Variants in ST18 observed in about 807,000 individuals in gnomAD.
ST18 encodes the protein suppression of tumorigenicity 18 protein.
ST18 carries 50 observed loss-of-function variants against 110.0 expected under a neutral mutation model. That is an observed-to-expected ratio of 0.45 (90% CI 0.36 to 0.58). ST18 has a LOEUF of 0.58. Among genes scored for constraint, ST18 ranks in the 20% least tolerant of loss-of-function variants. The probability of loss-of-function intolerance (pLI) is 0.00; values close to 1 mark genes in which losing one functional copy is unlikely to be tolerated. For synonymous variants in ST18, 461 were observed against 452.4 expected, an observed-to-expected ratio of 1.02 and a Z score of -0.24; for missense variants, 1,306 against 1,280.1, an observed-to-expected ratio of 1.02 and a Z score of -0.31.
At chr8:52,357,578 G>C (rs1163331875) in intron 2 of ST18, among the ~76,000 whole-genome samples, 1 of 147,360 alleles carries the variant, frequency 6.8e-6, no homozygotes, top group Non-Finnish European at 1.5e-5. Flanking sequence ...TGTTAAAAAA[G>C]ACACAAAAGA....
At chr8:52,126,025 T>G in intron 23 of ST18, 27 bp downstream of exon 23, 1 of 1,602,826 alleles carries the variant, frequency 6.2e-7, no homozygotes, top group Admixed American at 1.7e-5. Context: ...CTGCAGGAGG[T>G]GGTGACAGCC....
At chr8:52,249,907 T>C (rs1214320825) in intron 2 of ST18, among the ~76,000 whole-genome samples, 1 of 152,080 alleles carries the variant, frequency 6.6e-6, no homozygotes, top group Non-Finnish European at 1.5e-5. Context: ...AGTTTAATCA[T>C]ATTAGCACAA....
At chr8:52,201,861 A>G (rs931933503) in intron 8 of ST18, among the ~76,000 whole-genome samples, 1 of 152,212 alleles carries the variant, frequency 6.6e-6, no homozygotes, top group Non-Finnish European at 1.5e-5. Flanking sequence ...CCATTTGAAA[A>G]TGACCAAATG....
chr8:52,388,895 G>A (rs550786995), intron 2 of ST18, among the ~76,000 whole-genome samples: 10 of 149,954 alleles, frequency 6.7e-5, no homozygotes, highest in Non-Finnish European at 1.3e-4. Context: ...CAGCACACCA[G>A]CATGGCACAT....
chr8:52,171,673 TG>T (rs1262255672), intron 10 of ST18, 118 bp downstream of exon 10: 1 of 988,648 alleles, frequency 1.0e-6, no homozygotes, highest in East Asian at 2.6e-5. Flanking sequence ...AATTATAAAT[TG>T]ATTTTTAAGT....
chr8:52,232,282 C>A (rs923704887), intron 2 of ST18, among the ~76,000 whole-genome samples: 1 of 152,158 alleles, frequency 6.6e-6, no homozygotes, highest in East Asian at 1.9e-4. Flanking sequence ...TGAAGCCATT[C>A]GTGTCAAGAA....
chr8:52,116,281 T>A lies in ST18; in HGVS notation c.2997A>T (p.Pro999=). ...LISSLADIQL[P]QMGPISEQNF... ...GTTCTGGCCTTGAACTTACCATCTG[T>A]GGAAGCTGGATGTCAGCAAGGCTTG... The change falls in exon 25 of 26, where the codon CCA becomes CCT. Residue 999 remains proline (P), a synonymous_variant. Transcript: ENST00000689386. 5 of 1,613,424 alleles carry A rather than the reference T, an allele frequency of 3.1e-6. No individual in the cohort carries two copies. Among genetic ancestry groups the A allele is most frequent in the Non-Finnish European group, 4.2e-6 (5 of 1,179,774 alleles).
At chr8:52,327,627 G>T (rs564161906) in intron 2 of ST18, among the ~76,000 whole-genome samples, 2 of 152,052 alleles carry the variant, frequency 1.3e-5, no homozygotes, top group Non-Finnish European at 2.9e-5. Flanking sequence ...TTTTAGACAC[G>T]GTGCCATTAT....
chr8:52,220,406 A>G (rs1250642026), intron 5 of ST18, among the ~76,000 whole-genome samples: 2 of 151,106 alleles, frequency 1.3e-5, no homozygotes, highest in Non-Finnish European at 2.9e-5. Context: ...TCCATAAACA[A>G]ACTAATTTCT....
chr8:52,191,766 G>A (rs532617389), intron 8 of ST18, among the ~76,000 whole-genome samples: 1 of 152,236 alleles, frequency 6.6e-6, no homozygotes, highest in East Asian at 1.9e-4. Context: ...CACTTTGCAT[G>A]GAGAGAAAAG....
At chr8:52,398,330 G>T (rs903685004) in intron 2 of ST18, among the ~76,000 whole-genome samples, 1 of 152,042 alleles carries the variant, frequency 6.6e-6, no homozygotes, top group African/African-American at 2.4e-5. Context: ...GAATCTACGG[G>T]GCTTTCTGTA....
chr8:52,265,497 CA>C (rs2094839649), intron 2 of ST18, among the ~76,000 whole-genome samples: 2 of 152,176 alleles, frequency 1.3e-5, no homozygotes, highest in South Asian at 4.1e-4. Flanking sequence ...AATGAAATGA[CA>C]TTGAAACAAA....
intron 10 of ST18, among the ~76,000 whole-genome samples, chr8:52,167,211 G>C (rs576910644): frequency 6.6e-6 from 1 of 152,328 alleles, no homozygotes; most frequent in South Asian, 2.1e-4. Context: ...GGGCAAGAGA[G>C]TGTTAAAATA....
At chr8:52,165,651 T>C (rs2062737614) in intron 11 of ST18, among the ~76,000 whole-genome samples, 1 of 152,186 alleles carries the variant, frequency 6.6e-6, no homozygotes, top group Admixed American at 6.5e-5. Flanking sequence ...TGATTCTTTG[T>C]CCATCCACCC....
At chr8:52,315,664 G>T (rs1322914980) in intron 2 of ST18, among the ~76,000 whole-genome samples, 1 of 152,146 alleles carries the variant, frequency 6.6e-6, no homozygotes, top group Non-Finnish European at 1.5e-5. Flanking sequence ...CCAAATACCT[G>T]ATAGCAAATA....
chr8:52,376,083 C>G (rs1832248030), intron 2 of ST18, among the ~76,000 whole-genome samples: 1 of 152,160 alleles, frequency 6.6e-6, no homozygotes, highest in East Asian at 1.9e-4. Flanking sequence ...AACTGGATAG[C>G]AACAGCCCCT....
intron 2 of ST18, among the ~76,000 whole-genome samples, chr8:52,358,581 C>G (rs1215490100): frequency 6.6e-6 from 1 of 151,796 alleles, no homozygotes; most frequent in Non-Finnish European, 1.5e-5. Flanking sequence ...TGTATACTAA[C>G]AAACTAGATA....
intron 2 of ST18, among the ~76,000 whole-genome samples, chr8:52,390,657 C>T (rs1384294471): frequency 6.6e-6 from 1 of 152,146 alleles, no homozygotes; most frequent in Non-Finnish European, 1.5e-5. Context: ...AATAAGTGGA[C>T]CCAACTGCAC....
At chr8:52,227,899 G>A (rs1045564222) in intron 3 of ST18, among the ~76,000 whole-genome samples, 2 of 152,086 alleles carry the variant, frequency 1.3e-5, no homozygotes, top group African/African-American at 4.8e-5. Flanking sequence ...TGGCTATATT[G>A]TTGACCTTTT....
Sources: gnomAD v4.1 joint callset for allele counts (sites outside exome capture counted in the v4.1 genomes callset) on GRCh38, gnomAD v4.1.1 for gene constraint, MANE v1.5 for transcripts, NCBI Gene and HGNC (gene_info 2026-07-23, HGNC 2026-07-21) for gene names.